The following VARS2 variants were observed in gnomAD, a reference collection of about 807,000 sequenced individuals.
The protein encoded by VARS2 is valyl-tRNA synthetase 2, mitochondrial, also known as valine--tRNA ligase, mitochondrial.
In VARS2, 105 loss-of-function variants were observed where a neutral mutation model predicts 154.1. The ratio of observed to expected loss-of-function variants is 0.68; its 90% CI spans 0.58 to 0.80. VARS2 has a LOEUF of 0.80. Ranked by LOEUF, VARS2 falls within the 30% of genes least tolerant of loss-of-function variation. The probability of loss-of-function intolerance (pLI) is 0.00; values close to 1 mark genes in which losing one functional copy is unlikely to be tolerated. For synonymous variants in VARS2, 483 were observed against 539.5 expected (o/e 0.90, Z 1.45); for missense variants, 1,157 against 1,361.4 (o/e 0.85, Z 2.36).
In VARS2 at chr6:30,921,977, C is replaced by G; in HGVS notation, c.1788C>G (p.Ala596=). ...CTTCTGCCCTGTTCCCCTTTTCTGC[C>G]CTGGGCTGGCCCCAAGAGGTGAGGT... ...WFSSALFPFS[A]LGWPQETPDL... Residue 596 remains alanine (A), a synonymous_variant, in exon 19 of 30, where the codon GCC becomes GCG. Transcript: ENST00000676266. The surrounding 1 kb of genome is among the most constrained non-coding windows in gnomAD (Gnocchi z 4.6). 1 of 1,612,938 alleles carries G rather than the reference C, an allele frequency of 6.2e-7. No homozygotes were observed. Among genetic ancestry groups the G allele is most frequent in the Non-Finnish European group, 8.5e-7 (1 of 1,179,988 alleles).
chr6:30,922,999 G>A (rs753139293), intron 23 of VARS2, 23 bp downstream of exon 23: 17 of 1,604,852 alleles, frequency 1.1e-5, no homozygotes, highest in South Asian at 8.9e-5. Flanking sequence ...GAGGGGTGTC[G>A]GGGTGAGCAG....
Position 30,926,277 on chromosome 6 carries a change from G to C in VARS2, c.*67G>C. 2 of 1,522,352 alleles carry C rather than the reference G, an allele frequency of 1.3e-6. No individual in the cohort carries two copies. The highest frequency in any genetic ancestry group is 2.3e-5 in the East Asian group (1 of 43,496). The allele number at this position is 1,522,352 out of a possible 1,614,324, so 94.3% of individuals were successfully genotyped here. A position where few individuals can be genotyped will look rare whatever the true frequency, so the allele number is the denominator to read the frequency against. ...TTGAGGACAAACAGATTTGTCAGCT[G>C]TCAGGGTGCAGTGGGACGTCAGAGA... On this transcript the variant is annotated 3_prime_UTR_variant, in exon 30 of 30. Coordinates refer to ENST00000676266, the MANE Select transcript of VARS2 (RefSeq NM_020442.6).
Position 30,915,839 on chromosome 6 carries a change from G to A in VARS2, c.478G>A (p.Val160Met), listed in dbSNP as rs775623758. 6.2e-7 allele frequency: 1 copy of A among 1,614,142 alleles called. No individual in the cohort carries two copies. The highest frequency in any genetic ancestry group is 8.5e-7 in the Non-Finnish European group (1 of 1,180,030). ...GSLHIGHALT[V>M]AIQDALVRWH... ...CCTGCACATTGGCCACGCACTCACG[G>A]TGGCCATACAGGATGCCCTCGTGCG... Residue 160 changes from valine to methionine, a missense_variant, in exon 5 of 30, where the codon GTG becomes ATG. Physicochemically the swap from Val to Met is conservative, Grantham distance 21 (BLOSUM62 1). Transcript: ENST00000676266.
chr6:30,921,505 C>A lies in VARS2; in HGVS notation c.1633-84C>A. 1 of 1,508,254 alleles carries A rather than the reference C, an allele frequency of 6.6e-7. No homozygotes were observed. Among genetic ancestry groups the A allele is most frequent in the Non-Finnish European group, 9.0e-7 (1 of 1,107,726 alleles). 93.4% of individuals were successfully genotyped at this position (1,508,254 alleles called of 1,614,324 possible). On this transcript the variant is annotated intron_variant, in intron 17 of 29. Transcript: ENST00000676266. This position sits in a 1 kb window ranked among gnomAD's most constrained non-coding sequence, Gnocchi z 4.6. ...TGGGGGAACCTGGCCACTCTAAGACCACATGAGGACGTGAAAACCAAGTGA... is the reference window on the plus strand; with the variant it reads ...TGGGGGAACCTGGCCACTCTAAGACAACATGAGGACGTGAAAACCAAGTGA...
At chr6:30,918,661 G>A in intron 10 of VARS2, 166 bp from the exon 11 acceptor site, 2 of 575,038 alleles carry the variant, frequency 3.5e-6, no homozygotes, top group South Asian at 4.2e-5. Flanking sequence ...GAAACCCTGG[G>A]TTCCTATAAA....
At position 30,916,480 on chromosome 6, in the gene VARS2, T is replaced by TTATATTTA; in HGVS notation, c.671+236_671+237insTTATATAT. 3.5e-6 allele frequency: 1 copy of TTATATTTA among 286,314 alleles called. No individual in the cohort carries two copies. The highest frequency in any genetic ancestry group is 6.0e-6 in the Non-Finnish European group (1 of 166,476). 17.7% of individuals were successfully genotyped at this position (286,314 alleles called of 1,614,324 possible). ...TGTGTGTGTGTGTGTGTGTGTGTAT[T>TTATATTTA]TATATATATATATATATTTTCTTTC... On this transcript the variant is annotated intron_variant, in intron 7 of 29. Transcript: ENST00000676266. The surrounding 1 kb of genome is among the most constrained non-coding windows in gnomAD (Gnocchi z 4.0).
In VARS2 at chr6:30,920,731, G is replaced by C; in HGVS notation, c.1461G>C (p.Met487Ile). Reference sequence around the variant, plus strand: ...AGTGGTTTGTCCGCTGCCAGGAAATGGGGGCCCGAGCTGCCAAGGTGAGGC... The same window carrying C: ...AGTGGTTTGTCCGCTGCCAGGAAATCGGGGCCCGAGCTGCCAAGGTGAGGC... ...KNQWFVRCQE[M>I]GARAAKAVES... Residue 487 changes from methionine (M) to isoleucine (I), a missense_variant, in exon 15 of 30, where the codon ATG becomes ATC. Transcript: ENST00000676266. The surrounding 1 kb of genome is among the most constrained non-coding windows in gnomAD (Gnocchi z 4.6). 6.3e-7 allele frequency: 1 copy of C among 1,598,834 alleles called. No homozygotes were observed. The highest frequency in any genetic ancestry group is 2.2e-5 in the East Asian group (1 of 44,542).
chr6:30,925,591 T>G lies in VARS2; in HGVS notation c.2833T>G (p.Phe945Val). 1 of 1,609,884 alleles carries G rather than the reference T, an allele frequency of 6.2e-7. No individual in the cohort carries two copies. The highest frequency in any genetic ancestry group is 1.3e-5 in the African/African-American group (1 of 74,850). Reference sequence around the variant, plus strand: ...TGGGGACCAGGGCCTCTTCGAGGCCTTCTTGGAGCCCCTGGGCACCCTGGG... The same window carrying G: ...TGGGGACCAGGGCCTCTTCGAGGCCGTCTTGGAGCCCCTGGGCACCCTGGG... ...EPGDQGLFEA[F>V]LEPLGTLGYC... is the part of the protein sequence containing the mutation. Residue 945 changes from phenylalanine (F) to valine (V), a missense_variant, in exon 28 of 30, where the codon TTC becomes GTC. Physicochemically the swap from Phe to Val is conservative, Grantham distance 50 (BLOSUM62 -1). Transcript: ENST00000676266.
In VARS2 at chr6:30,921,212, C is replaced by T. The variant is rs184580937; in HGVS notation, c.1557-18C>T. On this transcript the variant is annotated intron_variant, in intron 16 of 29. Coordinates refer to ENST00000676266, the MANE Select transcript of VARS2 (RefSeq NM_020442.6). This position sits in a 1 kb window ranked among gnomAD's most constrained non-coding sequence, Gnocchi z 4.6. The stretch of plus-strand genomic sequence containing the variant: ...ACTGACTGGTTATTCTAAGACTTCA[C>T]GAATGTCCTCCCGGCAGGGACTGGT... The T allele has an allele frequency of 5.2e-5, 84 of 1,614,052 alleles. 2 individuals carry two copies. In the East Asian group the frequency reaches 8.5e-4, roughly 16 times the overall value.
intron 10 of VARS2, 51 bp from the exon 11 acceptor site, chr6:30,918,776 T>G: frequency 1.5e-5 from 18 of 1,207,428 alleles, no homozygotes; most frequent in Non-Finnish European, 2.0e-5. Flanking sequence ...ATGTTGGCAG[T>G]GAGAGGTGAG....
intron 19 of VARS2, 60 bp downstream of exon 19, chr6:30,922,055 C>T: frequency 6.2e-7 from 1 of 1,612,628 alleles, no homozygotes; most frequent in Non-Finnish European, 8.5e-7. Context: ...ATGGCTGGGC[C>T]CCCACAGAGG....
rs199858134 is a variant in VARS2 at position 30,915,386 on chromosome 6, C to T, written c.315C>T (p.Ser105=). Residue 105 remains serine, a synonymous_variant, in exon 4 of 30, where the codon AGC becomes AGT. Transcript: ENST00000676266. ...CTGGGCCCCTGCCTCCTGCATACAGCCCCCGATATGTTGAGGCTGCCTGGT... is the reference window on the plus strand; with the variant it reads ...CTGGGCCCCTGCCTCCTGCATACAGTCCCCGATATGTTGAGGCTGCCTGGT... ...DVSGPLPPAY[S]PRYVEAAWYP... The T allele has an allele frequency of 1.9e-4, 303 of 1,614,188 alleles. No individual in the cohort carries two copies. Among genetic ancestry groups the T allele is most frequent in the Non-Finnish European group, 2.4e-4 (283 of 1,180,004 alleles).
chr6:30,924,091 A>G (rs1241574821), intron 25 of VARS2: 1 of 571,120 alleles, frequency 1.8e-6, no homozygotes, highest in Non-Finnish European at 3.1e-6. Context: ...GTTGATAAGC[A>G]AAAAACTCAA....
Position 30,922,790 on chromosome 6 carries a change from C to A in VARS2, c.2106+16C>A, listed in dbSNP as rs769570982. 2 of 1,602,058 alleles carry A rather than the reference C, an allele frequency of 1.2e-6. No homozygotes were observed. The highest frequency in any genetic ancestry group is 1.7e-6 in the Non-Finnish European group (2 of 1,172,614). On this transcript the variant is annotated intron_variant, in intron 22 of 29. Transcript: ENST00000676266. ...TGCAGCACAGGTGAGTCATCGCTGC[C>A]TGCCCCCCACCAGCTCTAGCTCACC... is the stretch of plus-strand genomic sequence containing the variant.
In VARS2 at chr6:30,917,835, G is replaced by A. The variant is rs367904051; in HGVS notation, c.985+29G>A. ...AGCATAGTACTCTGCAGGGTCACCCGTTTACCTCCATTTTTCCTGTTTTCT... is the reference window on the plus strand; with the variant it reads ...AGCATAGTACTCTGCAGGGTCACCCATTTACCTCCATTTTTCCTGTTTTCT... On this transcript the variant is annotated intron_variant, in intron 10 of 29. Transcript: ENST00000676266. The surrounding 1 kb of genome is among the most constrained non-coding windows in gnomAD (Gnocchi z 4.4). 26 of 1,546,686 alleles carry A rather than the reference G, an allele frequency of 1.7e-5. No homozygotes were observed. Among genetic ancestry groups the A allele is most frequent in the East Asian group, 2.4e-5 (1 of 40,886 alleles).
Position 30,921,860 on chromosome 6 carries a change from C to T in VARS2, c.1736-65C>T, listed in dbSNP as rs1794534356. On this transcript the variant is annotated intron_variant, in intron 18 of 29. Transcript: ENST00000676266. This position sits in a 1 kb window ranked among gnomAD's most constrained non-coding sequence, Gnocchi z 4.6. ...GGTGGGGGTTGGCCTAGAATGGTGGCAGCAGTGGTCTGAGGTCCTAGAAGC... is the reference window on the plus strand; with the variant it reads ...GGTGGGGGTTGGCCTAGAATGGTGGTAGCAGTGGTCTGAGGTCCTAGAAGC... The T allele has an allele frequency of 1.9e-6, 3 of 1,600,372 alleles. No individual in the cohort carries two copies. The highest frequency in any genetic ancestry group is 3.3e-5 in the Admixed American group (2 of 59,936).
Position 30,926,166 on chromosome 6 carries a change from C to A in VARS2, c.3148C>A (p.Gln1050Lys), listed in dbSNP as rs918881062. The A allele has an allele frequency of 3.7e-6, 6 of 1,613,022 alleles. No homozygotes were observed. The African/African-American group carries it at 8.0e-5, about 22-fold the overall frequency. Residue 1050 changes from glutamine to lysine, a missense_variant, in exon 30 of 30, where the codon CAG becomes AAG. Gln to Lys is a moderately conservative substitution (Grantham distance 53, BLOSUM62 1). Transcript: ENST00000676266. Reference protein sequence around the residue: ...KLDKAASHLRQLMDEPPAPGS... With the variant: ...KLDKAASHLRKLMDEPPAPGS... ...GGACAAGGCAGCCTCTCACCTCCGGCAGCTGATGGATGAGCCTCCAGCCCC... is the reference window on the plus strand; with the variant it reads ...GGACAAGGCAGCCTCTCACCTCCGGAAGCTGATGGATGAGCCTCCAGCCCC...
chr6:30,922,652 T>G, intron 21 of VARS2, 54 bp from the exon 22 acceptor site: 1 of 1,591,152 alleles, frequency 6.3e-7, no homozygotes, highest in Non-Finnish European at 8.6e-7. Context: ...GGTGTGACCC[T>G]TATAGAGGCA....
chr6:30,925,765 G>A (rs1357215927), intron 28 of VARS2, 46 bp downstream of exon 28: 11 of 1,610,590 alleles, frequency 6.8e-6, no homozygotes, highest in Non-Finnish European at 8.5e-6. Flanking sequence ...TGGGAAGCAT[G>A]CTGGGAGGAA....
Sources: gnomAD v4.1 joint callset for allele counts on GRCh38, gnomAD v4.1.1 for gene constraint, Gnocchi (gnomAD v3.1) non-coding constraint, MANE v1.5 for transcripts, NCBI Gene and HGNC (gene_info 2026-07-23, HGNC 2026-07-21) for gene names.